ULK4: variants seen among roughly 807,000 people sequenced by gnomAD.
The protein encoded by ULK4 is inactive serine/threonine-protein kinase ULK4.
Under a neutral mutation model 160.6 loss-of-function variants are expected in ULK4, and 133 were observed. The ratio of observed to expected loss-of-function variants is 0.83; its 90% CI spans 0.72 to 0.96. The LOEUF is 0.96. ULK4 is among the 40% of genes least tolerant of loss of function. ULK4 has a pLI of 0.00. For missense variants in ULK4, 1,580 were observed against 1,499.5 expected, an observed-to-expected ratio of 1.05 and a Z score of -0.89; for synonymous variants, 534 against 539.8, an observed-to-expected ratio of 0.99 and a Z score of 0.15.
chr3:41,589,894 A>C (rs1288935503), intron 31 of ULK4, among the ~76,000 whole-genome samples: 1 of 152,216 alleles, frequency 6.6e-6, no homozygotes, highest in Non-Finnish European at 1.5e-5. Flanking sequence ...TCCAAGTTCA[A>C]ACAAAAAAGC....
chr3:41,602,634 A>T (rs2032172479), intron 31 of ULK4, among the ~76,000 whole-genome samples: 1 of 152,138 alleles, frequency 6.6e-6, no homozygotes, highest in Admixed American at 6.5e-5. Context: ...TTATATAAAA[A>T]TTTTTAATAG....
At chr3:41,733,082 T>C (rs1040569703) in intron 22 of ULK4, among the ~76,000 whole-genome samples, 2 of 152,036 alleles carry the variant, frequency 1.3e-5, no homozygotes, top group South Asian at 2.1e-4. Flanking sequence ...TATTTCAGCA[T>C]CTCAAAATAA....
intron 35 of ULK4, among the ~76,000 whole-genome samples, chr3:41,255,437 C>A (rs908934049): frequency 6.6e-6 from 1 of 152,122 alleles, no homozygotes. Flanking sequence ...GAGCTGAGAT[C>A]GTGCCATTGC....
At chr3:41,408,135 A>T (rs2125824501) in intron 34 of ULK4, among the ~76,000 whole-genome samples, 1 of 93,946 alleles carries the variant, frequency 1.1e-5, no homozygotes, top group South Asian at 2.4e-4. Flanking sequence ...AGCAAAAAAT[A>T]AAAAAAAATT....
intron 32 of ULK4, among the ~76,000 whole-genome samples, chr3:41,491,393 T>C (rs1182692268): frequency 6.6e-6 from 1 of 152,116 alleles, no homozygotes; most frequent in Non-Finnish European, 1.5e-5. Flanking sequence ...ACCACGACCA[T>C]ATATCTAAAT....
At chr3:41,501,742 C>A (rs2643978) in intron 32 of ULK4, among the ~76,000 whole-genome samples, 124,668 of 151,958 alleles carry the variant, frequency 0.82, 53,001 homozygotes, top group Non-Finnish European at 0.94. Context: ...CATGCTATAC[C>A]ATAGATCTCT....
chr3:41,488,821 A>G (rs937246020), intron 32 of ULK4, among the ~76,000 whole-genome samples: 4 of 152,216 alleles, frequency 2.6e-5, no homozygotes, highest in Non-Finnish European at 4.4e-5. Flanking sequence ...GTGGGACATT[A>G]AAGTGCTGGC....
chr3:41,681,735 T>C lies in ULK4; in HGVS notation c.2833+18A>G. 1 of 1,614,102 alleles carries C rather than the reference T, an allele frequency of 6.2e-7. No individual in the cohort carries two copies. The highest frequency in any genetic ancestry group is 8.5e-7 in the Non-Finnish European group (1 of 1,179,958). ...AATGTGTAACTGATGCAATTCTTGCTGGTGTCATCACACTTACCATTTTGG... is the reference window on the plus strand; with the variant it reads ...AATGTGTAACTGATGCAATTCTTGCCGGTGTCATCACACTTACCATTTTGG... On this transcript the variant is annotated intron_variant, in intron 28 of 36. Coordinates refer to ENST00000301831, the MANE Select transcript of ULK4 (RefSeq NM_017886.4).
intron 30 of ULK4, among the ~76,000 whole-genome samples, chr3:41,649,674 T>G (rs1359437399): frequency 6.6e-6 from 1 of 152,062 alleles, no homozygotes; most frequent in African/African-American, 2.4e-5. Flanking sequence ...GAAGGCTGGG[T>G]GGGGGTGCTG....
chr3:41,375,615 A>T (rs1328353641), intron 35 of ULK4, among the ~76,000 whole-genome samples: 2 of 150,380 alleles, frequency 1.3e-5, no homozygotes, highest in African/African-American at 5.0e-5. Flanking sequence ...CCTACACCTT[A>T]TACAAAAATT....
At chr3:41,576,277 T>C (rs2088185539) in intron 31 of ULK4, among the ~76,000 whole-genome samples, 1 of 152,202 alleles carries the variant, frequency 6.6e-6, no homozygotes, top group Admixed American at 6.5e-5. Context: ...CTGGTGTCTG[T>C]GGGGAAGGTT....
chr3:41,800,600 A>C (rs941166771), intron 19 of ULK4, among the ~76,000 whole-genome samples: 2 of 152,192 alleles, frequency 1.3e-5, no homozygotes, highest in African/African-American at 4.8e-5. Context: ...CTGCTGAAAC[A>C]ATCTGGAAAA....
chr3:41,398,018 A>G, intron 35 of ULK4, 61 bp downstream of exon 35: 1 of 1,530,014 alleles, frequency 6.5e-7, no homozygotes. Context: ...ATGGCTACTC[A>G]CTGTCCATGT....
chr3:41,774,155 G>C (rs1250394789), intron 21 of ULK4, among the ~76,000 whole-genome samples: 1 of 152,082 alleles, frequency 6.6e-6, no homozygotes, highest in Non-Finnish European at 1.5e-5. Context: ...TCAGGACATA[G>C]GCATGGGCAA....
At chr3:41,870,007 AC>A (rs1208463861) in intron 17 of ULK4, among the ~76,000 whole-genome samples, 2 of 152,178 alleles carry the variant, frequency 1.3e-5, no homozygotes, top group Non-Finnish European at 2.9e-5. Flanking sequence ...TTTTCTTTGA[AC>A]ACTTTAAAAA....
chr3:41,723,023 G>T (rs1206291390), intron 22 of ULK4, among the ~76,000 whole-genome samples: 1 of 152,124 alleles, frequency 6.6e-6, no homozygotes, highest in Non-Finnish European at 1.5e-5. Flanking sequence ...ATTCCCACCA[G>T]TAGTGTATGC....
chr3:41,584,056 CT>C (rs2125634244), intron 31 of ULK4, among the ~76,000 whole-genome samples: 1 of 152,266 alleles, frequency 6.6e-6, no homozygotes, highest in African/African-American at 2.4e-5. Flanking sequence ...AAGTGGTTCT[CT>C]GGGCCAAATC....
chr3:41,928,915 G>A (rs956297962), intron 5 of ULK4, among the ~76,000 whole-genome samples: 2 of 152,072 alleles, frequency 1.3e-5, no homozygotes, highest in Non-Finnish European at 2.9e-5. Flanking sequence ...GAGGTACAAA[G>A]AGGGGCTGAT....
chr3:41,382,723 A>C (rs2125796552), intron 35 of ULK4, among the ~76,000 whole-genome samples: 1 of 152,304 alleles, frequency 6.6e-6, no homozygotes, highest in African/African-American at 2.4e-5. Flanking sequence ...GCTTGAACTT[A>C]AAATACTCTC....
Sources: gnomAD v4.1 joint callset for allele counts (sites outside exome capture counted in the v4.1 genomes callset) on GRCh38, gnomAD v4.1.1 for gene constraint, MANE v1.5 for transcripts, NCBI Gene and HGNC (gene_info 2026-07-23, HGNC 2026-07-21) for gene names.